The following PCP4 variants were observed in gnomAD, a reference collection of about 807,000 sequenced individuals.
PCP4 encodes Purkinje cell protein 4.
Under a neutral mutation model 10.0 loss-of-function variants are expected in PCP4, and 8 were observed. The observed-to-expected ratio is 0.80, with a 90% CI of 0.47 to 1.45. The LOEUF (loss-of-function observed/expected upper bound fraction) is 1.45, where lower values mean the gene tolerates loss of function less well. PCP4 is among the 40% of genes most tolerant of loss of function. PCP4 has a pLI of 0.00. For missense variants in PCP4, 54 were observed against 74.4 expected, an observed-to-expected ratio of 0.73 and a Z score of 1.01; for synonymous variants, 21 against 23.0, an observed-to-expected ratio of 0.91 and a Z score of 0.24.
chr21:39,881,049 C>T (rs1363759769), intron 1 of PCP4, among the ~76,000 whole-genome samples: 1 of 152,086 alleles, frequency 6.6e-6, no homozygotes, highest in Non-Finnish European at 1.5e-5. Flanking sequence ...ATTTTCACTT[C>T]TGCGGGGAGC....
rs531244269 is a variant in PCP4, at chr21:39,880,329, C to T, written c.9+12819C>T. Among the ~76,000 whole-genome samples, 4 of 152,254 alleles carry T rather than the reference C, an allele frequency of 2.6e-5. No homozygotes were observed. The South Asian group carries it at 8.3e-4, about 32-fold the overall frequency. On this transcript the variant is annotated intron_variant, in intron 1 of 2. Transcript: ENST00000328619. ...TGGAGGAAGCCTCCCTAGCAGCATGCTTGAATAAGAAACTATTGTGTTCAA... is the reference window on the plus strand; with the variant it reads ...TGGAGGAAGCCTCCCTAGCAGCATGTTTGAATAAGAAACTATTGTGTTCAA...
rs376323571 is a variant in PCP4 at position 39,911,025 on chromosome 21, A to G, written c.61+12498A>G. Among the ~76,000 whole-genome samples the G allele has an allele frequency of 5.1e-4, 77 of 152,152 alleles. 1 individual carries two copies. The South Asian group carries it at 0.015, about 30-fold the overall frequency. On this transcript the variant is annotated intron_variant, in intron 2 of 2. Transcript: ENST00000328619. ...GCTTGTCGAATTCTGACTCTTTATGATTCTGTGGCTGTCTCTTTCCTGGGA... is the reference window on the plus strand; with the variant it reads ...GCTTGTCGAATTCTGACTCTTTATGGTTCTGTGGCTGTCTCTTTCCTGGGA...
chr21:39,920,178 T>G (rs1193258524), intron 2 of PCP4, among the ~76,000 whole-genome samples: 2 of 147,130 alleles, frequency 1.4e-5, no homozygotes, highest in Non-Finnish European at 3.0e-5. Flanking sequence ...GTGATGTGTG[T>G]GGTGTGTGTT....
At chr21:39,891,771 C>A (rs553466177) in intron 1 of PCP4, among the ~76,000 whole-genome samples, 3 of 152,296 alleles carry the variant, frequency 2.0e-5, no homozygotes, top group African/African-American at 7.2e-5. Context: ...TTTTAGGTAG[C>A]CGAAGCAGAG....
chr21:39,881,299 C>T (rs920598928), intron 1 of PCP4, among the ~76,000 whole-genome samples: 3 of 152,174 alleles, frequency 2.0e-5, no homozygotes, highest in Non-Finnish European at 4.4e-5. Flanking sequence ...AAGCTTGGGG[C>T]ACTCACTGTT....
intron 2 of PCP4, among the ~76,000 whole-genome samples, chr21:39,900,368 A>T (rs1022671336): frequency 9.9e-5 from 15 of 152,086 alleles, no homozygotes; most frequent in African/African-American, 3.6e-4. Flanking sequence ...TTTCCATTTT[A>T]AAGAATTCTT....
At chr21:39,897,117 T>C (rs2299757) in intron 1 of PCP4, among the ~76,000 whole-genome samples, 21,434 of 152,028 alleles carry the variant, frequency 0.14, 1,667 homozygotes, top group Middle Eastern at 0.24. Flanking sequence ...TGGCTGGGCA[T>C]GGTGGCTCAT....
chr21:39,885,815 T>C (rs1337315697), intron 1 of PCP4, among the ~76,000 whole-genome samples: 1 of 152,244 alleles, frequency 6.6e-6, no homozygotes, highest in Non-Finnish European at 1.5e-5. Flanking sequence ...GAGTCTGTTC[T>C]TTCCTATGTT....
chr21:39,920,288 TG>T (rs1374408163), intron 2 of PCP4, among the ~76,000 whole-genome samples: 1 of 142,450 alleles, frequency 7.0e-6, no homozygotes, highest in African/African-American at 2.6e-5. Context: ...GTGTGTGTGG[TG>T]TGTGTGTGTG....
intron 2 of PCP4, among the ~76,000 whole-genome samples, chr21:39,920,259 G>GGT (rs56164022): frequency 0.14 from 19,678 of 139,648 alleles, 1,354 homozygotes; most frequent in South Asian, 0.25. Context: ...TGTTTGGTGT[G>GGT]GTGTGTGTGT....
chr21:39,896,210 G>A (rs1298240547), intron 1 of PCP4, among the ~76,000 whole-genome samples: 1 of 152,286 alleles, frequency 6.6e-6, no homozygotes, highest in East Asian at 1.9e-4. Flanking sequence ...AAAGACTGTG[G>A]GGTTGAGCAT....
chr21:39,884,177 C>A (rs2087389066), intron 1 of PCP4, among the ~76,000 whole-genome samples: 1 of 144,746 alleles, frequency 6.9e-6, no homozygotes, highest in African/African-American at 2.5e-5. Flanking sequence ...CATATGCAGT[C>A]TTTTTTTTTT....
At chr21:39,895,698 C>T (rs962577962) in intron 1 of PCP4, among the ~76,000 whole-genome samples, 12 of 152,238 alleles carry the variant, frequency 7.9e-5, no homozygotes, top group African/African-American at 2.9e-4. Context: ...GCTGTCAGAA[C>T]TCAATGAGTT....
chr21:39,882,039 G>A lies in PCP4; in HGVS notation c.9+14529G>A, dbSNP rs1312122154. 1.7e-4 allele frequency among the ~76,000 whole-genome samples: 26 copies of A among 152,184 alleles called. 1 individual carries two copies. Among genetic ancestry groups the A allele is most frequent in the Admixed American group, 1.6e-3 (25 of 15,282 alleles). On this transcript the variant is annotated intron_variant, in intron 1 of 2. Coordinates refer to ENST00000328619, the MANE Select transcript of PCP4 (RefSeq NM_006198.3). ...GTAGTAGGCTTGTTTCCATGAGAGT[G>A]TTTAGCTGCTCTTACTATGACTGAA...
intron 1 of PCP4, among the ~76,000 whole-genome samples, chr21:39,878,930 A>G (rs918606918): frequency 6.6e-6 from 1 of 152,032 alleles, no homozygotes; most frequent in Non-Finnish European, 1.5e-5. Context: ...GAAATGTTCT[A>G]TACCTCAGAA....
At chr21:39,884,054 A>G (rs1355260234) in intron 1 of PCP4, among the ~76,000 whole-genome samples, 1 of 152,164 alleles carries the variant, frequency 6.6e-6, no homozygotes, top group African/African-American at 2.4e-5. Flanking sequence ...CAGGGCTGGG[A>G]TTACCTGGGT....
At chr21:39,914,162 A>G (rs1356919258) in intron 2 of PCP4, among the ~76,000 whole-genome samples, 1 of 152,270 alleles carries the variant, frequency 6.6e-6, no homozygotes, top group African/African-American at 2.4e-5. Context: ...TTTCAACCCA[A>G]GCTGCTCTTT....
Position 39,916,146 on chromosome 21 carries a change from T to G in PCP4, c.62-12838T>G, listed in dbSNP as rs1253689357. 2.0e-5 allele frequency: 3 copies of G among 152,202 alleles called. No homozygotes were observed. In the East Asian group the frequency reaches 5.8e-4, roughly 29 times the overall value. 9.4% of individuals were successfully genotyped at this position (152,202 alleles called of 1,614,324 possible). On this transcript the variant is annotated intron_variant, in intron 2 of 2. Coordinates refer to ENST00000328619, the MANE Select transcript of PCP4 (RefSeq NM_006198.3). ...CTAGCTGCTGATTCCTGGGAAGGAATTTCAATTCTTTCCATGTGCTCAGAG... is the reference window on the plus strand; with the variant it reads ...CTAGCTGCTGATTCCTGGGAAGGAAGTTCAATTCTTTCCATGTGCTCAGAG...
chr21:39,910,770 C>A (rs1044617167), intron 2 of PCP4, among the ~76,000 whole-genome samples: 1 of 152,234 alleles, frequency 6.6e-6, no homozygotes. Context: ...GGGTCTTCCT[C>A]GCCCTTTAGC....
Sources: gnomAD v4.1 joint callset for allele counts (sites outside exome capture counted in the v4.1 genomes callset) on GRCh38, gnomAD v4.1.1 for gene constraint, MANE v1.5 for transcripts, NCBI Gene and HGNC (gene_info 2026-07-23, HGNC 2026-07-21) for gene names.